The following CHODL variants were observed in gnomAD, a reference collection of about 807,000 sequenced individuals.
CHODL encodes the protein chondrolectin, also known as transmembrane protein MT75.
A neutral mutation model predicts 34.5 loss-of-function variants in CHODL; 29 were observed. That is an observed-to-expected ratio of 0.84 (90% confidence interval 0.63 to 1.15). The LOEUF (loss-of-function observed/expected upper bound fraction) is 1.15. CHODL is among the 50% of genes most tolerant of loss of function. The probability of loss-of-function intolerance (pLI) is 0.00; values close to 1 mark genes in which losing one functional copy is unlikely to be tolerated. For missense variants in CHODL, 332 were observed against 332.5 expected, an observed-to-expected ratio of 1.00 and a Z score of 0.01; for synonymous variants, 125 against 116.1, an observed-to-expected ratio of 1.08 and a Z score of -0.49.
chr21:18,044,000 C>T (rs1434287158), intron 2 of CHODL, among the ~76,000 whole-genome samples: 1 of 151,950 alleles, frequency 6.6e-6, no homozygotes, highest in African/African-American at 2.4e-5. Context: ...CCCGCCACAA[C>T]ACATGGGGAT....
At chr21:18,182,996 G>A (rs575010662) in intron 2 of CHODL, among the ~76,000 whole-genome samples, 2 of 152,150 alleles carry the variant, frequency 1.3e-5, no homozygotes, top group South Asian at 4.2e-4. Context: ...TATCATACAA[G>A]GCTTATCATG....
intron 2 of CHODL, among the ~76,000 whole-genome samples, chr21:18,228,058 G>A (rs2073946911): frequency 2.0e-5 from 3 of 152,120 alleles, no homozygotes; most frequent in Non-Finnish European, 4.4e-5. Flanking sequence ...CCATTTGTGT[G>A]ATACTGCCAT....
chr21:18,234,487 A>G (rs1568948079), intron 2 of CHODL, among the ~76,000 whole-genome samples: 1 of 152,046 alleles, frequency 6.6e-6, no homozygotes, highest in African/African-American at 2.4e-5. Context: ...CATTATGCAT[A>G]TTTTGAGTGT....
chr21:18,063,371 CTT>C (rs1217122949), intron 2 of CHODL, among the ~76,000 whole-genome samples: 2 of 152,182 alleles, frequency 1.3e-5, no homozygotes, highest in African/African-American at 4.8e-5. Context: ...TACTGCCACA[CTT>C]TAGTGACTTC....
chr21:18,016,828 C>T (rs1250469003), intron 1 of CHODL, among the ~76,000 whole-genome samples: 2 of 152,228 alleles, frequency 1.3e-5, no homozygotes, highest in East Asian at 1.9e-4. Context: ...CTTGGAAACC[C>T]ACCACTTGCA....
Position 18,193,712 on chromosome 21 carries a change from A to AAT in CHODL, c.-44-62796_-44-62795insTA, listed in dbSNP as rs554616161. On this transcript the variant is annotated intron_variant, in intron 2 of 6. Coordinates refer to the CHODL transcript ENST00000400127. ...CTCTGTCTCAGAAAAAAAAAAAAAT[A>AAT]AAATAAATAAATAAATAAATAAATA... Among the ~76,000 whole-genome samples, 7 of 139,342 alleles carry AAT rather than the reference A, an allele frequency of 5.0e-5. 1 individual carries two copies. Among genetic ancestry groups the AAT allele is most frequent in the African/African-American group, 2.0e-4 (7 of 35,564 alleles). 91.4% of individuals were successfully genotyped at this position (139,342 alleles called of 152,430 possible).
rs1197950932 is a variant in CHODL, at chr21:18,175,309, T to G, written c.-44-81200T>G. ...GCAAATATTTTCAGAGATGCCACTG[T>G]GTACCAGGTAGTGGTGGCTCATGCC... is the stretch of plus-strand genomic sequence containing the variant. On this transcript the variant is annotated intron_variant, in intron 2 of 6. Coordinates refer to the CHODL transcript ENST00000400127. Among the ~76,000 whole-genome samples the G allele has an allele frequency of 3.9e-5, 6 of 152,284 alleles. No individual in the cohort carries two copies. In the East Asian group the frequency reaches 7.7e-4, roughly 20 times the overall value.
At chr21:17,964,703 A>G (rs773209547) in intron 1 of CHODL, among the ~76,000 whole-genome samples, 13 of 152,186 alleles carry the variant, frequency 8.5e-5, no homozygotes, top group East Asian at 3.8e-4. Flanking sequence ...AACATTGCCA[A>G]ATTCTCACTT....
chr21:18,106,545 G>T (rs2065275415), intron 2 of CHODL, among the ~76,000 whole-genome samples: 1 of 149,460 alleles, frequency 6.7e-6, no homozygotes, highest in Non-Finnish European at 1.5e-5. Context: ...GCCCAGGCTG[G>T]AGTGCAGTGG....
At chr21:17,964,373 G>T (rs140423951) in intron 1 of CHODL, among the ~76,000 whole-genome samples, 2 of 152,154 alleles carry the variant, frequency 1.3e-5, no homozygotes, top group African/African-American at 4.8e-5. Context: ...GCACACATGC[G>T]TGCACGTGCT....
chr21:18,068,941 A>C (rs986881400), intron 2 of CHODL, among the ~76,000 whole-genome samples: 2 of 152,142 alleles, frequency 1.3e-5, no homozygotes, highest in African/African-American at 4.8e-5. Flanking sequence ...TGGCAGCCAG[A>C]GAATTTAGCA....
chr21:18,081,402 T>G (rs1347389773), intron 2 of CHODL, among the ~76,000 whole-genome samples: 2 of 152,108 alleles, frequency 1.3e-5, no homozygotes, highest in African/African-American at 4.8e-5. Flanking sequence ...AAAGTGGGGC[T>G]GGGTGCGGTG....
intron 1 of CHODL, among the ~76,000 whole-genome samples, chr21:17,936,773 T>C (rs767471934): frequency 4.3e-4 from 66 of 152,150 alleles, no homozygotes; most frequent in South Asian, 8.3e-4. Context: ...AGTAAATATC[T>C]ATTAAAATTT....
chr21:17,973,649 T>C (rs2146365422), intron 1 of CHODL, among the ~76,000 whole-genome samples: 1 of 151,966 alleles, frequency 6.6e-6, no homozygotes, highest in African/African-American at 2.4e-5. Flanking sequence ...CTCGATCTCC[T>C]GACCTCGTGA....
intron 1 of CHODL, among the ~76,000 whole-genome samples, chr21:18,023,204 T>C (rs2064143524): frequency 1.3e-5 from 2 of 152,098 alleles, no homozygotes; most frequent in African/African-American, 4.8e-5. Context: ...AGCAACTGGC[T>C]GACACTAGCT....
intron 2 of CHODL, among the ~76,000 whole-genome samples, chr21:18,073,321 A>C (rs1053625328): frequency 2.6e-5 from 4 of 152,150 alleles, no homozygotes; most frequent in Non-Finnish European, 4.4e-5. Context: ...GGTGAATAAA[A>C]AATTCAGCAG....
chr21:18,008,829 T>A (rs1484137650), intron 1 of CHODL, among the ~76,000 whole-genome samples: 1 of 152,210 alleles, frequency 6.6e-6, no homozygotes, highest in Non-Finnish European at 1.5e-5. Flanking sequence ...TGGTTCCAGA[T>A]AAATGGCTCA....
intron 2 of CHODL, among the ~76,000 whole-genome samples, chr21:18,076,096 A>T (rs1458338801): frequency 6.6e-6 from 1 of 152,024 alleles, no homozygotes; most frequent in Non-Finnish European, 1.5e-5. Context: ...AGTAGCCTGC[A>T]TGGACTAAGA....
At chr21:18,067,178 G>A (rs1259057115) in intron 2 of CHODL, among the ~76,000 whole-genome samples, 3 of 152,304 alleles carry the variant, frequency 2.0e-5, no homozygotes, top group South Asian at 4.1e-4. Flanking sequence ...GTCTGAGCTA[G>A]TGGGAAAGAG....
Sources: allele counts gnomAD v4.1 joint callset (sites outside exome capture counted in the v4.1 genomes callset), GRCh38; gene constraint gnomAD v4.1.1; transcripts MANE v1.5; gene names NCBI Gene and HGNC (gene_info 2026-07-23, HGNC 2026-07-21).